ACOX2: variants seen among roughly 807,000 people sequenced by gnomAD.
The protein encoded by ACOX2 is acyl-CoA oxidase 2.
Under a neutral mutation model 77.5 loss-of-function variants are expected in ACOX2, and 59 were observed. That is an observed-to-expected ratio of 0.76 (90% CI 0.62 to 0.95). The LOEUF is 0.95. Ranked by LOEUF, ACOX2 falls within the 40% of genes least tolerant of loss-of-function variation. ACOX2 has a pLI of 0.00. For synonymous variants in ACOX2, 317 were observed against 340.1 expected (o/e 0.93, Z 0.75); for missense variants, 837 against 880.4 (o/e 0.95, Z 0.62).
Position 58,531,035 on chromosome 3 carries a change from G to A in ACOX2, c.819+216C>T, listed in dbSNP as rs547070812. Among the ~76,000 whole-genome samples the A allele has an allele frequency of 3.9e-5, 6 of 152,150 alleles. 1 individual carries two copies. Among genetic ancestry groups the A allele is most frequent in the African/African-American group, 1.2e-4 (5 of 41,434 alleles). On this transcript the variant is annotated intron_variant, in intron 7 of 14. Coordinates refer to ENST00000302819, the MANE Select transcript of ACOX2 (RefSeq NM_003500.4). The surrounding 1 kb of genome is among the most constrained non-coding windows in gnomAD (Gnocchi z 5.8). ...CGATTGCTCTGTCAGCCTATGTGAC[G>A]AGCATTTCTGCATGAGAGGTCTGAG...
In ACOX2 at chr3:58,534,774, A is replaced by G; in HGVS notation, c.160+173T>C. ...ACTCTTCTATCCCCTAGGTGGGCTC[A>G]GGCAATATTGACATGTGAAGATTGT... On this transcript the variant is annotated intron_variant, in intron 2 of 14. Coordinates refer to ENST00000302819, the MANE Select transcript of ACOX2 (RefSeq NM_003500.4). This position sits in a 1 kb window ranked among gnomAD's most constrained non-coding sequence, Gnocchi z 4.8. The G allele has an allele frequency of 7.4e-7, 1 of 1,359,280 alleles. No individual in the cohort carries two copies. Among genetic ancestry groups the G allele is most frequent in the Non-Finnish European group, 1.0e-6 (1 of 972,452 alleles). 84.2% of individuals were successfully genotyped at this position (1,359,280 alleles called of 1,614,324 possible).
At chr3:58,513,801 T>C (rs978962165) in intron 13 of ACOX2, among the ~76,000 whole-genome samples, 2 of 152,196 alleles carry the variant, frequency 1.3e-5, no homozygotes, top group African/African-American at 4.8e-5. Flanking sequence ...ACTAGCTGAT[T>C]ACAAACTTGT....
Position 58,523,552 on chromosome 3 carries a change from A to G in ACOX2, c.1526+874T>C, listed in dbSNP as rs995229170. 2.6e-5 allele frequency among the ~76,000 whole-genome samples: 4 copies of G among 152,214 alleles called. No homozygotes were observed. The East Asian group carries it at 7.7e-4, about 29-fold the overall frequency. On this transcript the variant is annotated intron_variant, in intron 11 of 14. Transcript: ENST00000302819. This position sits in a 1 kb window ranked among gnomAD's most constrained non-coding sequence, Gnocchi z 5.3. Reference sequence around the variant, plus strand: ...AGGTTGGGATATAAGACCTCTTATTATATACTGAAAATATGTTTTTCCAGT... The same window carrying G: ...AGGTTGGGATATAAGACCTCTTATTGTATACTGAAAATATGTTTTTCCAGT...
At position 58,515,949 on chromosome 3, in the gene ACOX2, G is replaced by A. The variant is rs543731102; in HGVS notation, c.1850+1257C>T. On this transcript the variant is annotated intron_variant, in intron 13 of 14. Transcript: ENST00000302819. The surrounding 1 kb of genome is among the most constrained non-coding windows in gnomAD (Gnocchi z 4.0). The stretch of plus-strand genomic sequence containing the variant: ...TGTGCCTGATTCATTTTTTGTAGAG[G>A]TGGGGTTTTGCCATGTTGCCCAGGC... 6.7e-6 allele frequency among the ~76,000 whole-genome samples: 1 copy of A among 149,516 alleles called. No homozygotes were observed. The highest frequency in any genetic ancestry group is 1.5e-5 in the Non-Finnish European group (1 of 67,480).
intron 13 of ACOX2, among the ~76,000 whole-genome samples, chr3:58,510,632 CAAAAAAAAAAAAAAAAAAA>C (rs869206771): frequency 1.0e-3 from 7 of 6,840 alleles, no homozygotes; most frequent in African/African-American, 3.1e-3. Flanking sequence ...GACTCCCGCT[CAAAAAAAAAAAAAAAAAAA>C]AAAAAAAAAA....
Position 58,517,299 on chromosome 3 carries a change from G to T in ACOX2, c.1757C>A (p.Thr586Asn). Reference sequence around the variant, plus strand: ...GTCATGGAGAAAGTCACCCGAGTTAGTCAAGATTCCATGTATGGCATGGAG... The same window carrying T: ...GTCATGGAGAAAGTCACCCGAGTTATTCAAGATTCCATGTATGGCATGGAG... ...CDLHAIHGIL[T>N]NSGDFLHDAF... The change falls in exon 13 of 15, where the codon ACT becomes AAT. Residue 586 changes from threonine to asparagine, a missense_variant. By Grantham distance (65) the Thr-to-Asn change is moderately conservative. Coordinates refer to ENST00000302819, the MANE Select transcript of ACOX2 (RefSeq NM_003500.4). 6.2e-7 allele frequency: 1 copy of T among 1,614,228 alleles called. No individual in the cohort carries two copies. The highest frequency in any genetic ancestry group is 2.2e-5 in the East Asian group (1 of 44,888).
In ACOX2 at chr3:58,530,515, T is replaced by A; in HGVS notation, c.943A>T (p.Ile315Phe). 6.2e-7 allele frequency: 1 copy of A among 1,614,236 alleles called. No homozygotes were observed. Among genetic ancestry groups the A allele is most frequent in the South Asian group, 1.1e-5 (1 of 91,086 alleles). ...ILPILQKACV[I>F]AMRYSVIRRQ... ...CGGATGACCGAGTAGCGCATGGCGA[T>A]GACACAGGCCTTCTGCAGTATAGGG... is the stretch of plus-strand genomic sequence containing the variant. Residue 315 changes from isoleucine to phenylalanine, a missense_variant, in exon 8 of 15, where the codon ATC becomes TTC. Coordinates refer to ENST00000302819, the MANE Select transcript of ACOX2 (RefSeq NM_003500.4).
At chr3:58,516,252 G>GT (rs2063321308) in intron 13 of ACOX2, among the ~76,000 whole-genome samples, 1 of 152,078 alleles carries the variant, frequency 6.6e-6, no homozygotes, top group South Asian at 2.1e-4. Flanking sequence ...ACTAAACTTG[G>GT]TAAGAATTTG....
rs750563206 is a variant in ACOX2, at chr3:58,524,419, G to C, written c.1526+7C>G. The C allele has an allele frequency of 6.2e-7, 1 of 1,611,550 alleles. No individual in the cohort carries two copies. The highest frequency in any genetic ancestry group is 8.5e-7 in the Non-Finnish European group (1 of 1,177,918). ...GTGGGATGGCTGATTTCTCAGCACT[G>C]GCTTACCTTACTGCCACATGTGCCC... is the stretch of plus-strand genomic sequence containing the variant. On this transcript the variant is annotated splice_region_variant and intron_variant, in intron 11 of 14. Transcript: ENST00000302819. The surrounding 1 kb of genome is among the most constrained non-coding windows in gnomAD (Gnocchi z 5.5).
At chr3:58,530,318 T>G (rs1576999474) in intron 8 of ACOX2, 148 bp downstream of exon 8, 2 of 1,193,104 alleles carry the variant, frequency 1.7e-6, no homozygotes, top group Non-Finnish European at 1.2e-6. Context: ...CCAGGCTGGG[T>G]AGATTTTGTG....
rs1465262192 is a variant in ACOX2, at chr3:58,515,427, G to A, written c.1850+1779C>T. On this transcript the variant is annotated intron_variant, in intron 13 of 14. Coordinates refer to ENST00000302819, the MANE Select transcript of ACOX2 (RefSeq NM_003500.4). This position sits in a 1 kb window ranked among gnomAD's most constrained non-coding sequence, Gnocchi z 4.0. ...TGAGAAATAAAAGGAATTTGGTCTAGTTTTTTAAAAACCTGTCTTAAAATC... is the reference window on the plus strand; with the variant it reads ...TGAGAAATAAAAGGAATTTGGTCTAATTTTTTAAAAACCTGTCTTAAAATC... 6.6e-6 allele frequency among the ~76,000 whole-genome samples: 1 copy of A among 152,180 alleles called. No homozygotes were observed. Among genetic ancestry groups the A allele is most frequent in the Non-Finnish European group, 1.5e-5 (1 of 68,028 alleles).
Position 58,525,285 on chromosome 3 carries a change from G to A in ACOX2, c.1347-680C>T, listed in dbSNP as rs1359929566. 6.6e-6 allele frequency among the ~76,000 whole-genome samples: 1 copy of A among 152,190 alleles called. No individual in the cohort carries two copies. Among genetic ancestry groups the A allele is most frequent in the Non-Finnish European group, 1.5e-5 (1 of 68,034 alleles). On this transcript the variant is annotated intron_variant, in intron 10 of 14. Transcript: ENST00000302819. The surrounding 1 kb of genome is among the most constrained non-coding windows in gnomAD (Gnocchi z 5.0). The stretch of plus-strand genomic sequence containing the variant: ...TTTCTAATTTGGAAAAAAACCAAGG[G>A]ATGTTATATATTTTTAAAAATATAA...
chr3:58,520,142 G>GTAA (rs1302548257), intron 12 of ACOX2, among the ~76,000 whole-genome samples: 1 of 152,168 alleles, frequency 6.6e-6, no homozygotes, highest in Non-Finnish European at 1.5e-5. Context: ...TGGGGGTGGG[G>GTAA]GTGCTAGCTG....
At position 58,512,159 on chromosome 3, in the gene ACOX2, G is replaced by A. The variant is rs576092765; in HGVS notation, c.1851-3134C>T. Among the ~76,000 whole-genome samples, 1 of 152,240 alleles carries A rather than the reference G, an allele frequency of 6.6e-6. No homozygotes were observed. The highest frequency in any genetic ancestry group is 2.1e-4 in the South Asian group (1 of 4,822). On this transcript the variant is annotated intron_variant, in intron 13 of 14. Transcript: ENST00000302819. This position sits in a 1 kb window ranked among gnomAD's most constrained non-coding sequence, Gnocchi z 4.8. The stretch of plus-strand genomic sequence containing the variant: ...TTCCCGTCCACCCTGCCCAAACCTG[G>A]GCCTCCTGTAGTCTTCCGCATTTAT...
intron 13 of ACOX2, among the ~76,000 whole-genome samples, chr3:58,513,436 T>C (rs2063301230): frequency 6.6e-6 from 1 of 152,216 alleles, no homozygotes; most frequent in Non-Finnish European, 1.5e-5. Context: ...CCTCCTTTTT[T>C]TTGTCTTTTT....
chr3:58,534,194 C>T lies in ACOX2; in HGVS notation c.324-49G>A. On this transcript the variant is annotated intron_variant, in intron 3 of 14. Coordinates refer to ENST00000302819, the MANE Select transcript of ACOX2 (RefSeq NM_003500.4). This position sits in a 1 kb window ranked among gnomAD's most constrained non-coding sequence, Gnocchi z 4.8. ...TGAGTAGCTTATTGGAGACAGGGGC[C>T]CAGGTACCCCCTGCCTGAGCAGAGT... The T allele has an allele frequency of 6.2e-7, 1 of 1,608,524 alleles. No individual in the cohort carries two copies. Among genetic ancestry groups the T allele is most frequent in the Non-Finnish European group, 8.5e-7 (1 of 1,177,450 alleles).
At chr3:58,506,111 T>G (rs1016482136) in intron 14 of ACOX2, among the ~76,000 whole-genome samples, 4 of 152,212 alleles carry the variant, frequency 2.6e-5, no homozygotes, top group African/African-American at 9.6e-5. Flanking sequence ...ACTCTTGTTC[T>G]CCAGTGTATC....
In ACOX2 at chr3:58,528,714, C is replaced by T. The variant is rs1347158293; in HGVS notation, c.1155+80G>A. The T allele has an allele frequency of 1.4e-6, 2 of 1,474,486 alleles. No homozygotes were observed. Among genetic ancestry groups the T allele is most frequent in the South Asian group, 1.5e-5 (1 of 67,894 alleles). 91.3% of individuals were successfully genotyped at this position (1,474,486 alleles called of 1,614,324 possible). Reference sequence around the variant, plus strand: ...GTGGGGAGTGCCCATGGGGATGGGGCTGTGGCTGCTCCCCAGTGAGTGGAA... The same window carrying T: ...GTGGGGAGTGCCCATGGGGATGGGGTTGTGGCTGCTCCCCAGTGAGTGGAA... On this transcript the variant is annotated intron_variant, in intron 9 of 14. Transcript: ENST00000302819. This position sits in a 1 kb window ranked among gnomAD's most constrained non-coding sequence, Gnocchi z 5.6.
In ACOX2 at chr3:58,507,351, C is replaced by G. The variant is rs1374251516; in HGVS notation, c.1983+1542G>C. On this transcript the variant is annotated intron_variant, in intron 14 of 14. Transcript: ENST00000302819. ...ATGGGATGAAGTGCATCAATGTTTT[C>G]CCAAATGTGTTGACCCTCTGGGTCA... Among the ~76,000 whole-genome samples the G allele has an allele frequency of 3.3e-5, 5 of 152,322 alleles. No homozygotes were observed. In the South Asian group the frequency reaches 6.2e-4, roughly 19 times the overall value.
Sources: allele counts gnomAD v4.1 joint callset (sites outside exome capture counted in the v4.1 genomes callset), GRCh38; gene constraint gnomAD v4.1.1; non-coding constraint Gnocchi (gnomAD v3.1); transcripts MANE v1.5; gene names NCBI Gene and HGNC (gene_info 2026-07-23, HGNC 2026-07-21).